The following DYTN variants were observed in gnomAD, a reference collection of about 807,000 sequenced individuals.
The protein encoded by DYTN is dystrotelin.
DYTN carries 75 observed loss-of-function variants against 69.6 expected under a neutral mutation model. The observed-to-expected ratio is 1.08, with a 90% CI of 0.89 to 1.31. The LOEUF is 1.31. Among genes scored for constraint, DYTN ranks in the 50% most tolerant of loss-of-function variants. DYTN has a pLI of 0.00. For synonymous variants in DYTN, 252 were observed against 249.1 expected, an observed-to-expected ratio of 1.01 and a Z score of -0.11; for missense variants, 726 against 688.4, an observed-to-expected ratio of 1.05 and a Z score of -0.61.
At position 206,718,282 on chromosome 2, in the gene DYTN, C is replaced by A. The variant is rs775807998; in HGVS notation, c.-3G>T. ...TCACCTTGTTTATCTGGATCCATTTCACAAATTTCCTGGAATGACAGATGG... is the reference window on the plus strand; with the variant it reads ...TCACCTTGTTTATCTGGATCCATTTAACAAATTTCCTGGAATGACAGATGG... On this transcript the variant is annotated 5_prime_UTR_variant, in exon 1 of 12. Coordinates refer to ENST00000452335, the MANE Select transcript of DYTN (RefSeq NM_001093730.1). The A allele has an allele frequency of 1.3e-6, 2 of 1,599,430 alleles. No individual in the cohort carries two copies.
chr2:206,651,951 G>A (rs954193799), intron 11 of DYTN, 30 bp from the exon 12 acceptor site: 1 of 1,586,350 alleles, frequency 6.3e-7, no homozygotes, highest in Non-Finnish European at 8.6e-7. Flanking sequence ...GAGTCATTTA[G>A]AGAAACATAC....
At chr2:206,705,006 T>C in intron 4 of DYTN, 63 bp from the exon 5 acceptor site, 1 of 1,311,300 alleles carries the variant, frequency 7.6e-7, no homozygotes, top group Non-Finnish European at 1.1e-6. Context: ...GAAGAGTACT[T>C]GCTTTGAAGT....
Position 206,710,606 on chromosome 2 carries a change from GA to G in DYTN, c.20-9del, listed in dbSNP as rs749069321. ...CAATACTATTAAGAGCATCTGTAAAGAAAACGTAAAATATTATGAATAAAGT... is the reference window on the plus strand; with the variant it reads ...CAATACTATTAAGAGCATCTGTAAAGAAACGTAAAATATTATGAATAAAGT... On this transcript the variant is annotated splice_polypyrimidine_tract_variant and intron_variant, in intron 1 of 11. Transcript: ENST00000452335. 1 of 1,584,662 alleles carries G rather than the reference GA, an allele frequency of 6.3e-7. No individual in the cohort carries two copies. The highest frequency in any genetic ancestry group is 8.6e-7 in the Non-Finnish European group (1 of 1,161,682).
chr2:206,653,143 C>T (rs1699406904), intron 11 of DYTN, among the ~76,000 whole-genome samples: 1 of 152,162 alleles, frequency 6.6e-6, no homozygotes, highest in African/African-American at 2.4e-5. Context: ...ATTTTATTGT[C>T]TGACTAACAA....
chr2:206,692,080 C>T (rs1699869146), intron 9 of DYTN, among the ~76,000 whole-genome samples: 1 of 151,870 alleles, frequency 6.6e-6, no homozygotes, highest in Non-Finnish European at 1.5e-5. Context: ...TTTAAGAACC[C>T]CTGTGAGTAA....
chr2:206,675,487 A>G (rs1294217940), intron 9 of DYTN, among the ~76,000 whole-genome samples: 1 of 151,886 alleles, frequency 6.6e-6, no homozygotes, highest in Non-Finnish European at 1.5e-5. Flanking sequence ...ATCATCATCA[A>G]TAATTAAGAA....
chr2:206,710,440 G>C, intron 2 of DYTN, 84 bp downstream of exon 2: 1 of 1,276,082 alleles, frequency 7.8e-7, no homozygotes, highest in Non-Finnish European at 1.1e-6. Context: ...AGCTGCATGG[G>C]GGGAGTGTTT....
At chr2:206,657,027 G>C (rs1699458498) in intron 11 of DYTN, among the ~76,000 whole-genome samples, 1 of 152,022 alleles carries the variant, frequency 6.6e-6, no homozygotes, top group South Asian at 2.1e-4. Flanking sequence ...TTCCCAAAGT[G>C]CTGGGATTAT....
intron 9 of DYTN, among the ~76,000 whole-genome samples, chr2:206,691,248 A>T (rs753922610): frequency 5.3e-5 from 8 of 152,174 alleles, no homozygotes; most frequent in Non-Finnish European, 8.8e-5. Flanking sequence ...CCCCGTCTCT[A>T]CTAAAAATAC....
intron 7 of DYTN, among the ~76,000 whole-genome samples, chr2:206,699,110 G>A (rs1699950057): frequency 6.6e-6 from 1 of 152,210 alleles, no homozygotes; most frequent in Admixed American, 6.5e-5. Context: ...TGATGATGAT[G>A]CATGGCTCCA....
At chr2:206,670,479 T>C (rs1198523385) in intron 9 of DYTN, 2 of 152,160 alleles carry the variant, frequency 1.3e-5, no homozygotes, top group South Asian at 2.1e-4. Flanking sequence ...CACATACTCA[T>C]GTGGCTCCTA....
chr2:206,662,956 A>G lies in DYTN; in HGVS notation c.1580T>C (p.Leu527Pro). The change falls in exon 11 of 12, where the codon CTG becomes CCG. Residue 527 changes from leucine (L) to proline (P), a missense_variant. Leu to Pro is a moderately conservative substitution (Grantham distance 98). Transcript: ENST00000452335. ...CATAAGTTTTGACAATAGTTCTTGCAGTTCCTCTTCCTCCAGCTCATCCTT... is the reference window on the plus strand; with the variant it reads ...CATAAGTTTTGACAATAGTTCTTGCGGTTCCTCTTCCTCCAGCTCATCCTT... ...ERKDELEEEE[L>P]QELLSKLMDA... The G allele has an allele frequency of 6.2e-7, 1 of 1,613,786 alleles. No homozygotes were observed. Among genetic ancestry groups the G allele is most frequent in the Non-Finnish European group, 8.5e-7 (1 of 1,179,856 alleles).
At chr2:206,666,901 T>C (rs1013864963) in intron 9 of DYTN, among the ~76,000 whole-genome samples, 2 of 148,856 alleles carry the variant, frequency 1.3e-5, no homozygotes, top group African/African-American at 5.0e-5. Context: ...ACACACAAAT[T>C]AGCTGAGTGC....
chr2:206,682,998 A>G (rs557796624), intron 9 of DYTN, among the ~76,000 whole-genome samples: 1 of 152,340 alleles, frequency 6.6e-6, no homozygotes, highest in African/African-American at 2.4e-5. Context: ...ATTAAGTGGG[A>G]AAAAGATCAC....
At chr2:206,707,269 T>G in intron 3 of DYTN, 33 bp downstream of exon 3, 1 of 1,594,848 alleles carries the variant, frequency 6.3e-7, no homozygotes, top group Non-Finnish European at 8.5e-7. Flanking sequence ...AAACTTTGCC[T>G]TTGAGGTCAC....
At position 206,694,887 on chromosome 2, in the gene DYTN, A is replaced by G. The variant is rs764421835; in HGVS notation, c.720-10T>C. ...CTTCAGACAGCGGTATCTGCCAGTT[A>G]AAATAGAAGCACAGCTTACGTCACT... On this transcript the variant is annotated splice_polypyrimidine_tract_variant and intron_variant, in intron 7 of 11. Transcript: ENST00000452335. 3 of 1,564,656 alleles carry G rather than the reference A, an allele frequency of 1.9e-6. No individual in the cohort carries two copies. In the South Asian group the frequency reaches 3.6e-5, roughly 19 times the overall value.
At chr2:206,658,760 T>C (rs754738895) in intron 11 of DYTN, among the ~76,000 whole-genome samples, 12 of 152,296 alleles carry the variant, frequency 7.9e-5, no homozygotes, top group Non-Finnish European at 1.6e-4. Flanking sequence ...ATGATAAGTG[T>C]TTTCATGCTA....
intron 9 of DYTN, among the ~76,000 whole-genome samples, chr2:206,675,936 G>A (rs1474562508): frequency 6.6e-6 from 1 of 152,210 alleles, no homozygotes; most frequent in African/African-American, 2.4e-5. Flanking sequence ...AACAACAGAT[G>A]CTGGTGAGGT....
chr2:206,705,272 A>G (rs1277503517), intron 4 of DYTN, among the ~76,000 whole-genome samples: 1 of 151,886 alleles, frequency 6.6e-6, no homozygotes, highest in African/African-American at 2.4e-5. Context: ...AATTTTTTGT[A>G]TTTTTAGTAG....
Sources: allele counts gnomAD v4.1 joint callset (sites outside exome capture counted in the v4.1 genomes callset), GRCh38; gene constraint gnomAD v4.1.1; transcripts MANE v1.5; gene names NCBI Gene and HGNC (gene_info 2026-07-23, HGNC 2026-07-21).